Variants in LRBA observed in about 807,000 individuals in gnomAD.
LRBA encodes lipopolysaccharide-responsive and beige-like anchor protein.
Under a neutral mutation model 330.0 loss-of-function variants are expected in LRBA, and 176 were observed. The observed-to-expected ratio is 0.53, with a 90% CI of 0.47 to 0.60. LRBA has a LOEUF of 0.60. Among genes scored for constraint, LRBA ranks in the 20% least tolerant of loss-of-function variants. LRBA has a pLI of 0.00. For missense variants in LRBA, 3,259 were observed against 3,444.8 expected, an observed-to-expected ratio of 0.95 and a Z score of 1.35; for synonymous variants, 1,230 against 1,193.0, an observed-to-expected ratio of 1.03 and a Z score of -0.64.
rs567595087 is a variant in LRBA at position 150,641,270 on chromosome 4, T to G, written c.5922-42139A>C. On this transcript the variant is annotated intron_variant, in intron 37 of 56. Transcript: ENST00000651943. ...CAAAATGTAATAAGAAATTTTTATA[T>G]TCCCTAACAATTTTTATCATTGGTT... Among the ~76,000 whole-genome samples, 28 of 152,330 alleles carry G rather than the reference T, an allele frequency of 1.8e-4. 1 individual carries two copies. In the East Asian group the frequency reaches 5.4e-3, roughly 29 times the overall value.
intron 36 of LRBA, among the ~76,000 whole-genome samples, chr4:150,729,037 T>A (rs770678996): frequency 4.6e-5 from 7 of 152,166 alleles, no homozygotes; most frequent in Non-Finnish European, 1.0e-4. Context: ...AAATGAGTAG[T>A]GGCCAGACAT....
intron 36 of LRBA, among the ~76,000 whole-genome samples, chr4:150,697,867 G>A (rs1359406913): frequency 2.0e-5 from 3 of 151,672 alleles, no homozygotes; most frequent in Non-Finnish European, 4.4e-5. Flanking sequence ...TGATGCCTTT[G>A]ATGACATTGC....
chr4:150,490,931 A>G lies in LRBA; in HGVS notation c.6435T>C (p.Phe2145=), dbSNP rs901653834. 2 of 1,599,426 alleles carry G rather than the reference A, an allele frequency of 1.3e-6. No individual in the cohort carries two copies. Among genetic ancestry groups the G allele is most frequent in the Non-Finnish European group, 1.7e-6 (2 of 1,168,664 alleles). ...GTAACACATTACCTCTGTTTGCCATAAAGATCTCCAGGGCTGTATTTTGCA... is the reference window on the plus strand; with the variant it reads ...GTAACACATTACCTCTGTTTGCCATGAAGATCTCCAGGGCTGTATTTTGCA... ...YLLQNTALEI[F]MANRVAVMFN... The change falls in exon 41 of 57, where the codon TTT becomes TTC. Residue 2145 remains phenylalanine, a synonymous_variant. Coordinates refer to ENST00000651943, the MANE Select transcript of LRBA (RefSeq NM_001364905.1).
chr4:150,806,392 C>T lies in LRBA; in HGVS notation c.5397G>A (p.Arg1799=), dbSNP rs758527496. 24 of 1,607,128 alleles carry T rather than the reference C, an allele frequency of 1.5e-5. No homozygotes were observed. The highest frequency in any genetic ancestry group is 2.0e-5 in the Non-Finnish European group (24 of 1,177,250). ...CTGCCTTTTCCAAAGCGTGTTCAAG[C>T]CTCTCTGTAATACTAAGGAAAAGAC... ...DPVSNMSITE[R]LEHALEKAAP... Residue 1799 remains arginine (R), a synonymous_variant, in exon 33 of 57, where the codon AGG becomes AGA. Transcript: ENST00000651943.
At chr4:150,362,399 T>C (rs1343446152) in intron 47 of LRBA, among the ~76,000 whole-genome samples, 1 of 152,178 alleles carries the variant, frequency 6.6e-6, no homozygotes, top group Non-Finnish European at 1.5e-5. Context: ...TTTCTTTATC[T>C]CTAAAATTTC....
At chr4:150,968,269 C>T (rs1202302560) in intron 2 of LRBA, among the ~76,000 whole-genome samples, 1 of 152,110 alleles carries the variant, frequency 6.6e-6, no homozygotes, top group Non-Finnish European at 1.5e-5. Context: ...TTCCAAAGTG[C>T]TGGGATCACA....
intron 35 of LRBA, among the ~76,000 whole-genome samples, chr4:150,748,882 C>T (rs1733132022): frequency 6.6e-6 from 1 of 152,060 alleles, no homozygotes; most frequent in Non-Finnish European, 1.5e-5. Flanking sequence ...GCCTCTTCTG[C>T]CCTTTCGGCT....
At chr4:150,661,078 T>TAAAAAAAAAAAAAAAAAA (rs559512113) in intron 37 of LRBA, among the ~76,000 whole-genome samples, 1 of 102,624 alleles carries the variant, frequency 9.7e-6, no homozygotes. Context: ...AAAAATAAAT[T>TAAAAAAAAAAAAAAAAAA]AAAAAAAAAA....
rs532962332 is a variant in LRBA at position 150,502,914 on chromosome 4, C to A, written c.6331-11879G>T. The stretch of plus-strand genomic sequence containing the variant: ...CACACAAGGAGATTATATCCCGCAC[C>A]TGACTCAGAGGGTCCTACACCCACG... On this transcript the variant is annotated intron_variant, in intron 40 of 56. Transcript: ENST00000651943. Among the ~76,000 whole-genome samples, 38 of 152,364 alleles carry A rather than the reference C, an allele frequency of 2.5e-4. No individual in the cohort carries two copies. In the East Asian group the frequency reaches 4.6e-3, roughly 19 times the overall value.
intron 13 of LRBA, among the ~76,000 whole-genome samples, 200 bp from the exon 14 acceptor site, chr4:150,900,417 G>T (rs1400902597): frequency 6.6e-6 from 1 of 152,000 alleles, no homozygotes; most frequent in Non-Finnish European, 1.5e-5. Flanking sequence ...ACCAAACCAG[G>T]TAATTTCTTC....
intron 40 of LRBA, among the ~76,000 whole-genome samples, chr4:150,529,216 A>G (rs1216013186): frequency 6.6e-6 from 1 of 152,188 alleles, no homozygotes; most frequent in African/African-American, 2.4e-5. Context: ...CTGTGTGTCT[A>G]TCAAAACAGG....
intron 46 of LRBA, among the ~76,000 whole-genome samples, chr4:150,424,802 G>T (rs1372263499): frequency 6.6e-6 from 1 of 152,140 alleles, no homozygotes; most frequent in East Asian, 1.9e-4. Flanking sequence ...ATGAATTGAT[G>T]TTTTTTTTCT....
chr4:150,985,277 A>G (rs1396756877), intron 2 of LRBA, among the ~76,000 whole-genome samples: 1 of 151,234 alleles, frequency 6.6e-6, no homozygotes, highest in Non-Finnish European at 1.5e-5. Flanking sequence ...AAAAAAGCTT[A>G]TATTTTAAAT....
intron 40 of LRBA, among the ~76,000 whole-genome samples, chr4:150,500,331 T>C (rs953675713): frequency 5.9e-5 from 9 of 151,710 alleles, no homozygotes; most frequent in Non-Finnish European, 7.4e-5. Context: ...TCCCAGCACT[T>C]TGGGAGGCTG....
At chr4:150,391,875 G>A (rs1743995606) in intron 47 of LRBA, among the ~76,000 whole-genome samples, 1 of 145,852 alleles carries the variant, frequency 6.9e-6, no homozygotes, top group Admixed American at 7.1e-5. Context: ...CTTCTAACTG[G>A]TTTCCTTTCC....
chr4:151,007,051 A>G (rs1441505416), intron 2 of LRBA, among the ~76,000 whole-genome samples: 1 of 152,210 alleles, frequency 6.6e-6, no homozygotes, highest in Non-Finnish European at 1.5e-5. Flanking sequence ...CTCGCCACAA[A>G]TCTTCAGTAA....
chr4:150,917,459 G>A (rs1011425957), intron 5 of LRBA, among the ~76,000 whole-genome samples: 2 of 152,030 alleles, frequency 1.3e-5, no homozygotes, highest in African/African-American at 4.8e-5. Context: ...GAGAAAAACT[G>A]GGTATATGCT....
At chr4:150,527,685 C>T (rs2152189287) in intron 40 of LRBA, among the ~76,000 whole-genome samples, 1 of 152,280 alleles carries the variant, frequency 6.6e-6, no homozygotes, top group South Asian at 2.1e-4. Context: ...CACTATCCTG[C>T]TCTTCTAAGC....
intron 37 of LRBA, among the ~76,000 whole-genome samples, chr4:150,605,955 C>A (rs935122456): frequency 1.3e-5 from 2 of 152,054 alleles, no homozygotes; most frequent in Non-Finnish European, 2.9e-5. Flanking sequence ...AAGCAGAATT[C>A]TTTCTTTATT....
Sources: allele counts gnomAD v4.1 joint callset (sites outside exome capture counted in the v4.1 genomes callset), GRCh38; gene constraint gnomAD v4.1.1; transcripts MANE v1.5; gene names NCBI Gene and HGNC (gene_info 2026-07-23, HGNC 2026-07-21).